The following SPECC1 variants were observed in gnomAD, a reference collection of about 807,000 sequenced individuals.
The protein encoded by SPECC1 is cytospin-B.
Under a neutral mutation model 104.1 loss-of-function variants are expected in SPECC1, and 62 were observed. The observed-to-expected ratio is 0.60, with a 90% CI of 0.49 to 0.74. The LOEUF (loss-of-function observed/expected upper bound fraction) is 0.74, where lower values mean the gene tolerates loss of function less well. Ranked by LOEUF, SPECC1 falls within the 30% of genes least tolerant of loss-of-function variation. The pLI is 0.00. For missense variants in SPECC1, 1,306 were observed against 1,310.5 expected (o/e 1.00, Z 0.05); for synonymous variants, 513 against 501.6 (o/e 1.02, Z -0.30).
intron 11 of SPECC1, among the ~76,000 whole-genome samples, chr17:20,258,400 C>T (rs924995777): frequency 3.9e-5 from 6 of 152,294 alleles, no homozygotes; most frequent in Middle Eastern, 3.4e-3. Context: ...TTTCCAGTGC[C>T]CCTGGTCGCC....
chr17:20,070,547 T>G (rs1207683736), intron 1 of SPECC1, among the ~76,000 whole-genome samples: 1 of 152,178 alleles, frequency 6.6e-6, no homozygotes, highest in African/African-American at 2.4e-5. Context: ...TCTATATATT[T>G]TATCTATATG....
chr17:20,125,032 C>T (rs910761664), intron 3 of SPECC1, among the ~76,000 whole-genome samples: 1 of 152,108 alleles, frequency 6.6e-6, no homozygotes, highest in East Asian at 1.9e-4. Flanking sequence ...TACAAAAAAT[C>T]AGCCAGGCAT....
chr17:20,241,923 G>A (rs756443664), intron 7 of SPECC1, among the ~76,000 whole-genome samples: 6 of 152,210 alleles, frequency 3.9e-5, no homozygotes, highest in African/African-American at 7.2e-5. Flanking sequence ...AAAACTTCAG[G>A]TGAATAGTCC....
chr17:20,156,666 G>C (rs1252208857), intron 3 of SPECC1, among the ~76,000 whole-genome samples: 1 of 152,152 alleles, frequency 6.6e-6, no homozygotes, highest in Non-Finnish European at 1.5e-5. Context: ...TCACACTCAC[G>C]CCAGGGCTGC....
rs114355749 is a variant in SPECC1, at chr17:20,289,818, A to G, written c.2941-7143A>G. ...CTCTGAGATGAAAGGGAACGTCTTT[A>G]TTTAGGAGTATAATGTTCTTGGAGC... On this transcript the variant is annotated intron_variant, in intron 12 of 14. Coordinates refer to ENST00000395527, the MANE Select transcript of SPECC1 (RefSeq NM_001243439.2). Among the ~76,000 whole-genome samples the G allele has an allele frequency of 8.0e-3, 1,214 of 152,226 alleles. 19 individuals carry two copies. Among genetic ancestry groups the G allele is most frequent in the African/African-American group, 0.028 (1,155 of 41,526 alleles).
chr17:20,185,800 A>G (rs898180679), intron 3 of SPECC1, among the ~76,000 whole-genome samples: 1 of 152,138 alleles, frequency 6.6e-6, no homozygotes, highest in South Asian at 2.1e-4. Flanking sequence ...AGTGATAATC[A>G]CAGGAGTCTT....
intron 1 of SPECC1, among the ~76,000 whole-genome samples, chr17:20,059,537 G>A (rs1407917580): frequency 2.0e-5 from 3 of 149,324 alleles, no homozygotes; most frequent in Non-Finnish European, 4.5e-5. Context: ...GAAAACAGCA[G>A]TGTTGTAGAC....
chr17:20,111,695 C>CAGGA, intron 3 of SPECC1: 1 of 603,430 alleles, frequency 1.7e-6, no homozygotes, highest in Non-Finnish European at 3.0e-6. Flanking sequence ...TCCCCAAAAG[C>CAGGA]AGGAAGGTGG....
chr17:20,055,341 G>C (rs28622601), intron 1 of SPECC1, among the ~76,000 whole-genome samples: 18,579 of 151,934 alleles, frequency 0.12, 1,123 homozygotes, highest in Non-Finnish European at 0.13. Context: ...ATCCACTGAT[G>C]GGCATTTAGT....
chr17:20,073,059 G>A (rs1384446008), intron 1 of SPECC1, among the ~76,000 whole-genome samples: 1 of 152,062 alleles, frequency 6.6e-6, no homozygotes, highest in Non-Finnish European at 1.5e-5. Flanking sequence ...TCAAAATTAA[G>A]TATGAAAAGA....
intron 4 of SPECC1, among the ~76,000 whole-genome samples, chr17:20,207,246 G>C (rs1178313564): frequency 6.6e-6 from 1 of 152,198 alleles, no homozygotes; most frequent in Non-Finnish European, 1.5e-5. Context: ...AGATGAGTCT[G>C]TTGCAGCCTG....
At chr17:20,181,902 A>AGGGT (rs968348041) in intron 3 of SPECC1, among the ~76,000 whole-genome samples, 3 of 152,102 alleles carry the variant, frequency 2.0e-5, no homozygotes, top group African/African-American at 7.2e-5. Context: ...AGTATGTTCC[A>AGGGT]GGGTGGGTAG....
chr17:20,116,383 C>T (rs937344020), intron 3 of SPECC1, among the ~76,000 whole-genome samples: 2 of 152,108 alleles, frequency 1.3e-5, no homozygotes, highest in Non-Finnish European at 1.5e-5. Flanking sequence ...CCACCATGAC[C>T]GGCCATCAGT....
chr17:20,014,598 CCTT>C lies in SPECC1; in HGVS notation c.-22+5177_-22+5179del, dbSNP rs1176836838. On this transcript the variant is annotated intron_variant, in intron 1 of 14. Transcript: ENST00000395527. ...CTGGGTATAGGATTCTACGTTAAAA[CCTT>C]CTGAATTTTGGAGATATTGCTTTAT... Among the ~76,000 whole-genome samples, 102 of 152,180 alleles carry C rather than the reference CCTT, an allele frequency of 6.7e-4. 2 individuals carry two copies. Among genetic ancestry groups the C allele is most frequent in the Non-Finnish European group, 1.3e-4 (9 of 68,022 alleles).
At chr17:20,068,653 T>C (rs2046442553) in intron 1 of SPECC1, among the ~76,000 whole-genome samples, 1 of 152,240 alleles carries the variant, frequency 6.6e-6, no homozygotes, top group African/African-American at 2.4e-5. Flanking sequence ...CACTTGTTAA[T>C]GTCTGTTCTT....
intron 1 of SPECC1, among the ~76,000 whole-genome samples, chr17:20,015,227 T>A (rs1208408704): frequency 2.0e-5 from 3 of 152,234 alleles, no homozygotes; most frequent in East Asian, 1.9e-4. Context: ...AATTAGAATA[T>A]CTTGATTTAT....
intron 3 of SPECC1, among the ~76,000 whole-genome samples, chr17:20,194,502 A>ATTATTTTTTTTTTTTTATTT: frequency 1.2e-5 from 1 of 86,566 alleles, no homozygotes; most frequent in South Asian, 4.2e-4. Context: ...AAGAGAACGA[A>ATTATTTTTTTTTTTTTATTT]TTTTTTTTTT....
intron 1 of SPECC1, among the ~76,000 whole-genome samples, chr17:20,016,690 C>G (rs1041847931): frequency 6.6e-6 from 1 of 152,348 alleles, no homozygotes; most frequent in South Asian, 2.1e-4. Flanking sequence ...ACCTGCGGCC[C>G]GCCATGCCTG....
At chr17:20,260,361 TC>T in intron 12 of SPECC1, 67 bp downstream of exon 12, 2 of 1,370,774 alleles carry the variant, frequency 1.5e-6, no homozygotes, top group Non-Finnish European at 2.1e-6. Context: ...CAATACATGT[TC>T]CTTGTGTGCC....
Sources: allele counts gnomAD v4.1 joint callset (sites outside exome capture counted in the v4.1 genomes callset), GRCh38; gene constraint gnomAD v4.1.1; transcripts MANE v1.5; gene names NCBI Gene and HGNC (gene_info 2026-07-23, HGNC 2026-07-21).